ATRNL1: variants seen among roughly 807,000 people sequenced by gnomAD.
ATRNL1 encodes attractin like 1, also known as attractin-like protein 1.
A neutral mutation model predicts 182.7 loss-of-function variants in ATRNL1; 95 were observed. The observed-to-expected ratio is 0.52, with a 90% CI of 0.44 to 0.62. The LOEUF (loss-of-function observed/expected upper bound fraction) is 0.62, where lower values mean the gene tolerates loss of function less well. ATRNL1 is among the 20% of genes least tolerant of loss of function. ATRNL1 has a pLI of 0.00. For synonymous variants in ATRNL1, 576 were observed against 568.3 expected (o/e 1.01, Z -0.19); for missense variants, 1,471 against 1,679.5 (o/e 0.88, Z 2.17).
At chr10:115,704,799 A>C (rs1414901147) in intron 26 of ATRNL1, among the ~76,000 whole-genome samples, 3 of 151,930 alleles carry the variant, frequency 2.0e-5, no homozygotes, top group Admixed American at 6.6e-5. Context: ...GCTATTTTAT[A>C]GAAATATTGG....
intron 28 of ATRNL1, among the ~76,000 whole-genome samples, chr10:115,908,646 T>G (rs1555115136): frequency 6.6e-6 from 1 of 152,196 alleles, no homozygotes; most frequent in Non-Finnish European, 1.5e-5. Context: ...TGAGGGGCCA[T>G]TATTTTGCCT....
At chr10:115,218,405 A>T (rs185749547) in intron 9 of ATRNL1, among the ~76,000 whole-genome samples, 4 of 152,292 alleles carry the variant, frequency 2.6e-5, no homozygotes, top group Admixed American at 2.6e-4. Context: ...TGTCTTAAAC[A>T]TACTTTTAAG....
At chr10:115,500,043 C>T (rs1265246229) in intron 24 of ATRNL1, among the ~76,000 whole-genome samples, 2 of 151,980 alleles carry the variant, frequency 1.3e-5, no homozygotes, top group Non-Finnish European at 2.9e-5. Context: ...GTGTTGAAGA[C>T]TTATGTTTAT....
chr10:115,550,002 A>G (rs1230856909), intron 26 of ATRNL1, among the ~76,000 whole-genome samples: 1 of 151,890 alleles, frequency 6.6e-6, no homozygotes, highest in Non-Finnish European at 1.5e-5. Context: ...CTGATTATCT[A>G]ATAATCCAAC....
chr10:115,660,558 A>G (rs1191948366), intron 26 of ATRNL1, among the ~76,000 whole-genome samples: 1 of 152,110 alleles, frequency 6.6e-6, no homozygotes, highest in Non-Finnish European at 1.5e-5. Context: ...ATATGATTGT[A>G]TCATATTCTA....
At chr10:115,894,518 A>G (rs1952158455) in intron 28 of ATRNL1, among the ~76,000 whole-genome samples, 1 of 152,206 alleles carries the variant, frequency 6.6e-6, no homozygotes, top group Non-Finnish European at 1.5e-5. Context: ...CTGGAGTTAT[A>G]AATGTGCTGG....
At chr10:115,347,615 A>G (rs1363316430) in intron 19 of ATRNL1, among the ~76,000 whole-genome samples, 2 of 152,110 alleles carry the variant, frequency 1.3e-5, no homozygotes, top group Non-Finnish European at 2.9e-5. Flanking sequence ...TGACTGGCAA[A>G]GCTTTAAATA....
At chr10:115,866,351 C>T (rs1366532638) in intron 28 of ATRNL1, among the ~76,000 whole-genome samples, 1 of 152,198 alleles carries the variant, frequency 6.6e-6, no homozygotes, top group Non-Finnish European at 1.5e-5. Flanking sequence ...GTCTATGGAA[C>T]TGTCCAAAAG....
At chr10:115,869,620 A>G (rs1371090834) in intron 28 of ATRNL1, among the ~76,000 whole-genome samples, 1 of 152,152 alleles carries the variant, frequency 6.6e-6, no homozygotes, top group Non-Finnish European at 1.5e-5. Flanking sequence ...GCTCATGGCT[A>G]TTTATGTTTT....
chr10:115,922,182 T>A (rs1000726957), intron 28 of ATRNL1, among the ~76,000 whole-genome samples: 1 of 152,194 alleles, frequency 6.6e-6, no homozygotes, highest in African/African-American at 2.4e-5. Context: ...GTATGGACAG[T>A]TTGACATTGT....
At chr10:115,726,922 G>A (rs1947615989) in intron 26 of ATRNL1, among the ~76,000 whole-genome samples, 1 of 151,316 alleles carries the variant, frequency 6.6e-6, no homozygotes, top group Admixed American at 6.6e-5. Context: ...ATTTGGCATA[G>A]CCATCACTGT....
intron 19 of ATRNL1, among the ~76,000 whole-genome samples, chr10:115,379,179 T>A (rs184526994): frequency 2.7e-4 from 41 of 152,302 alleles, no homozygotes; most frequent in African/African-American, 8.9e-4. Flanking sequence ...TTAGTGTATA[T>A]CTAGAATATA....
intron 20 of ATRNL1, among the ~76,000 whole-genome samples, chr10:115,397,780 A>G (rs1468754606): frequency 6.6e-6 from 1 of 151,990 alleles, no homozygotes; most frequent in South Asian, 2.1e-4. Context: ...AAGAATGTTG[A>G]GAGCTGGAAA....
chr10:115,371,036 A>G (rs1340023146), intron 19 of ATRNL1, among the ~76,000 whole-genome samples: 1 of 152,210 alleles, frequency 6.6e-6, no homozygotes, highest in East Asian at 1.9e-4. Context: ...GGGTTCAGAG[A>G]GTGCAAGCCC....
intron 24 of ATRNL1, among the ~76,000 whole-genome samples, chr10:115,514,899 C>G (rs1208892440): frequency 6.6e-6 from 1 of 151,630 alleles, no homozygotes; most frequent in African/African-American, 2.4e-5. Context: ...TTTGTTGGAC[C>G]TTCTTTGTTT....
chr10:115,628,763 C>A (rs1858283049), intron 26 of ATRNL1, among the ~76,000 whole-genome samples: 1 of 152,032 alleles, frequency 6.6e-6, no homozygotes, highest in Non-Finnish European at 1.5e-5. Flanking sequence ...TGGTGTGAGT[C>A]CAACTTCATT....
chr10:115,598,501 C>A (rs2133936486), intron 26 of ATRNL1, among the ~76,000 whole-genome samples: 1 of 151,524 alleles, frequency 6.6e-6, no homozygotes, highest in African/African-American at 2.4e-5. Context: ...GTAGCCAGGA[C>A]TACAGGCACA....
intron 26 of ATRNL1, among the ~76,000 whole-genome samples, chr10:115,578,595 T>A (rs536333978): frequency 2.0e-5 from 3 of 151,820 alleles, no homozygotes; most frequent in African/African-American, 7.2e-5. Context: ...TTATAATGTT[T>A]CCTCTTTCAT....
At chr10:115,727,619 G>A (rs1451545638) in intron 27 of ATRNL1, among the ~76,000 whole-genome samples, 2 of 152,156 alleles carry the variant, frequency 1.3e-5, no homozygotes, top group Non-Finnish European at 2.9e-5. Context: ...GAGGAGCTGA[G>A]GGAATTTAAG....
Sources: gnomAD v4.1 joint callset for allele counts (sites outside exome capture counted in the v4.1 genomes callset) on GRCh38, gnomAD v4.1.1 for gene constraint, MANE v1.5 for transcripts, NCBI Gene and HGNC (gene_info 2026-07-23, HGNC 2026-07-21) for gene names.